COL5A2: variants seen among roughly 807,000 people sequenced by gnomAD.
The protein encoded by COL5A2 is collagen type V alpha 2 chain.
COL5A2 carries 23 observed loss-of-function variants against 208.2 expected under a neutral mutation model. The observed-to-expected ratio is 0.11, with a 90% CI of 0.08 to 0.16. The LOEUF is 0.16. Among genes scored for constraint, COL5A2 ranks in the 10% least tolerant of loss-of-function variants. The pLI, the probability that COL5A2 is intolerant of heterozygous loss-of-function variation, is 1.00. For synonymous variants in COL5A2, 625 were observed against 628.5 expected, an observed-to-expected ratio of 0.99 and a Z score of 0.08; for missense variants, 1,590 against 1,956.4, an observed-to-expected ratio of 0.81 and a Z score of 3.53.
At position 189,052,988 on chromosome 2, in the gene COL5A2, C is replaced by T. The variant is rs1685823479; in HGVS notation, c.2584G>A (p.Glu862Lys). Reference protein sequence around the residue: ...GPDGQPGVKGEPGEPGQKGDA... With the variant: ...GPDGQPGVKGKPGEPGQKGDA... ...CCCTTCTGTCCTGGCTCTCCAGGTT[C>T]ACCTTTTACTCCAGGCTGTCCGTCA... Residue 862 changes from glutamate to lysine, a missense_variant, in exon 39 of 54, where the codon GAA becomes AAA. By Grantham distance (56) the Glu-to-Lys change is moderately conservative. Coordinates refer to ENST00000374866, the MANE Select transcript of COL5A2 (RefSeq NM_000393.5). 1 of 1,614,104 alleles carries T rather than the reference C, an allele frequency of 6.2e-7. No homozygotes were observed. Among genetic ancestry groups the T allele is most frequent in the Non-Finnish European group, 8.5e-7 (1 of 1,179,990 alleles).
At chr2:189,083,106 A>C (rs989941221) in intron 12 of COL5A2, among the ~76,000 whole-genome samples, 1 of 152,216 alleles carries the variant, frequency 6.6e-6, no homozygotes, top group Non-Finnish European at 1.5e-5. Flanking sequence ...CAGAAACATA[A>C]GGAAATTATA....
chr2:189,292,989 T>C, the COL5A2 span, among the ~76,000 whole-genome samples: 40 of 151,536 alleles, frequency 2.6e-4, 1 homozygote, highest in South Asian at 6.9e-3. Flanking sequence ...TCATTCTCAG[T>C]AAACTACCGC....
chr2:189,095,408 AG>A (rs1366433862), intron 6 of COL5A2, among the ~76,000 whole-genome samples: 1 of 152,198 alleles, frequency 6.6e-6, no homozygotes, highest in African/African-American at 2.4e-5. Context: ...AGAGAGGAAC[AG>A]ATTTCCTACT....
chr2:189,425,148 G>A, the COL5A2 span, among the ~76,000 whole-genome samples: 1 of 152,074 alleles, frequency 6.6e-6, no homozygotes, highest in South Asian at 2.1e-4. Context: ...ACCACAAGGA[G>A]GTATCATCTC....
chr2:189,270,524 A>G, the COL5A2 span, among the ~76,000 whole-genome samples: 5 of 152,080 alleles, frequency 3.3e-5, no homozygotes, highest in African/African-American at 1.2e-4. Context: ...GTTTTCATGT[A>G]GTTGTGCAGT....
intron 17 of COL5A2, among the ~76,000 whole-genome samples, chr2:189,073,851 G>T (rs1055993652): frequency 6.6e-6 from 1 of 152,072 alleles, no homozygotes; most frequent in Non-Finnish European, 1.5e-5. Flanking sequence ...TGTTTTGCTT[G>T]TAGAGATATA....
At chr2:189,408,327 A>C in the COL5A2 span, among the ~76,000 whole-genome samples, 1 of 152,200 alleles carries the variant, frequency 6.6e-6, no homozygotes, top group Non-Finnish European at 1.5e-5. Flanking sequence ...CATTAAATAT[A>C]AACCATAGTG....
At chr2:189,092,802 T>C (rs1686816208) in intron 6 of COL5A2, among the ~76,000 whole-genome samples, 1 of 152,238 alleles carries the variant, frequency 6.6e-6, no homozygotes, top group Non-Finnish European at 1.5e-5. Context: ...GAAATTACAG[T>C]GGATTGTCAT....
the COL5A2 span, among the ~76,000 whole-genome samples, chr2:189,249,770 C>T: frequency 6.6e-6 from 1 of 150,670 alleles, no homozygotes; most frequent in Admixed American, 6.6e-5. Flanking sequence ...GATCTCGGCT[C>T]ATTGCAACCT....
intron 13 of COL5A2, 77 bp downstream of exon 13, chr2:189,080,913 G>T: frequency 1.7e-6 from 2 of 1,202,896 alleles, no homozygotes; most frequent in Non-Finnish European, 2.5e-6. Flanking sequence ...GACTTGTAAA[G>T]ATTTTGAAGG....
chr2:189,166,017 A>G (rs1390634964), intron 1 of COL5A2, among the ~76,000 whole-genome samples: 2 of 151,460 alleles, frequency 1.3e-5, no homozygotes, highest in South Asian at 4.2e-4. Flanking sequence ...GAGTCAAAGA[A>G]CATATGTTGA....
chr2:189,166,364 G>A (rs7592325), intron 1 of COL5A2, among the ~76,000 whole-genome samples: 3,988 of 152,054 alleles, frequency 0.026, 193 homozygotes, highest in African/African-American at 0.092. Context: ...AGACAGGAAA[G>A]GGACATTATG....
At chr2:189,177,889 T>C (rs1184005732) in intron 1 of COL5A2, among the ~76,000 whole-genome samples, 1 of 152,216 alleles carries the variant, frequency 6.6e-6, no homozygotes, top group Non-Finnish European at 1.5e-5. Context: ...ATTATTTCCA[T>C]ACTTTATTAA....
chr2:189,129,176 G>A (rs1340320935), intron 1 of COL5A2, among the ~76,000 whole-genome samples: 2 of 151,758 alleles, frequency 1.3e-5, no homozygotes, highest in African/African-American at 2.4e-5. Flanking sequence ...CATTTCACAC[G>A]GGGAACTTAA....
the COL5A2 span, among the ~76,000 whole-genome samples, chr2:189,334,148 G>A: frequency 5.3e-4 from 81 of 152,050 alleles, 2 homozygotes; most frequent in East Asian, 0.015. Flanking sequence ...TTATTTTTAA[G>A]AACTCACATC....
chr2:189,194,207 C>T (rs1688966259), intron 1 of COL5A2, among the ~76,000 whole-genome samples: 1 of 152,052 alleles, frequency 6.6e-6, no homozygotes. Context: ...CTGACAAATA[C>T]TGCTCTACAC....
the COL5A2 span, among the ~76,000 whole-genome samples, chr2:189,272,331 A>G: frequency 6.6e-6 from 1 of 152,210 alleles, no homozygotes; most frequent in Admixed American, 6.5e-5. Flanking sequence ...CTATGCAGCC[A>G]TAAAAAAGGA....
chr2:189,248,121 G>C, the COL5A2 span, among the ~76,000 whole-genome samples: 3 of 152,202 alleles, frequency 2.0e-5, no homozygotes, highest in Non-Finnish European at 4.4e-5. Flanking sequence ...TTCATAAAAA[G>C]GGAAGGTAAG....
chr2:189,353,156 G>C, the COL5A2 span, among the ~76,000 whole-genome samples: 1 of 152,016 alleles, frequency 6.6e-6, no homozygotes, highest in Non-Finnish European at 1.5e-5. Context: ...ATATATCTGT[G>C]TTGGTACCAG....
Sources: gnomAD v4.1 joint callset for allele counts (sites outside exome capture counted in the v4.1 genomes callset) on GRCh38, gnomAD v4.1.1 for gene constraint, MANE v1.5 for transcripts, NCBI Gene and HGNC (gene_info 2026-07-23, HGNC 2026-07-21) for gene names.